Variants in CPVL observed in about 807,000 individuals in gnomAD.
The protein encoded by CPVL is carboxypeptidase vitellogenic like.
CPVL carries 51 observed loss-of-function variants against 63.7 expected under a neutral mutation model. The observed-to-expected ratio is 0.80, with a 90% CI of 0.64 to 1.01. The LOEUF is 1.01. Ranked by LOEUF, CPVL falls within the 50% of genes least tolerant of loss-of-function variation. The pLI, the probability that CPVL is intolerant of heterozygous loss-of-function variation, is 0.00. For missense variants in CPVL, 530 were observed against 573.1 expected (o/e 0.92, Z 0.77); for synonymous variants, 195 against 206.0 (o/e 0.95, Z 0.46).
In CPVL at chr7:29,064,094, C is replaced by T; in HGVS notation, c.1104G>A (p.Lys368=). Residue 368 remains lysine (K), a synonymous_variant, in exon 11 of 13, where the codon AAG becomes AAA. Coordinates refer to ENST00000265394, the MANE Select transcript of CPVL (RefSeq NM_031311.5). ...TATTCATGATTTCAGTTAACCATGG[C>T]TTAACTGACTGTACTGTATCTTCTC... ...YLREDTVQSV[K]PWLTEIMNNY... is the part of the protein sequence containing the mutation. 2 of 1,612,592 alleles carry T rather than the reference C, an allele frequency of 1.2e-6. No individual in the cohort carries two copies. Among genetic ancestry groups the T allele is most frequent in the Non-Finnish European group, 8.5e-7 (1 of 1,178,836 alleles).
At chr7:29,113,059 A>G (rs538130368) in intron 2 of CPVL, 33 of 435,246 alleles carry the variant, frequency 7.6e-5, no homozygotes, top group Admixed American at 7.5e-4. Context: ...GGGTGCCCAA[A>G]TATATTTTAT....
Position 29,136,406 on chromosome 7 carries a change from T to C in CPVL, c.-11+10023A>G, listed in dbSNP as rs184060818. The stretch of plus-strand genomic sequence containing the variant: ...TACATAATAAGGTAAATATTAGATA[T>C]TGATTTGGCAAAAGAGAAAATTATA... On this transcript the variant is annotated intron_variant, in intron 1 of 12. Coordinates refer to ENST00000265394, the MANE Select transcript of CPVL (RefSeq NM_031311.5). 3.5e-3 allele frequency among the ~76,000 whole-genome samples: 533 copies of C among 152,338 alleles called. 6 individuals carry two copies. The highest frequency in any genetic ancestry group is 0.02 in the Admixed American group (312 of 15,306).
intron 1 of CPVL, chr7:29,192,634 A>G (rs1308634324): frequency 6.6e-6 from 1 of 152,250 alleles, no homozygotes; most frequent in African/African-American, 2.4e-5. Context: ...ACTTTGGAAC[A>G]CAAACTTCAT....
chr7:29,069,283 TA>T (rs1783468626), intron 9 of CPVL, among the ~76,000 whole-genome samples: 1 of 150,888 alleles, frequency 6.6e-6, no homozygotes. Flanking sequence ...CTACTAAAAA[TA>T]AGAAAAATTA....
chr7:29,072,412 C>T lies in CPVL; in HGVS notation c.621G>A (p.Gly207=), dbSNP rs1783842108. The T allele has an allele frequency of 1.2e-6, 2 of 1,613,784 alleles. No individual in the cohort carries two copies. The highest frequency in any genetic ancestry group is 8.5e-7 in the Non-Finnish European group (1 of 1,179,920). ...GGTGTGCAATGGCTGGCACATATTT[C>T]CCTGCATAAGACTGAGAAGGACAGA... ...DFYVTGESYA[G]KYVPAIAHLI... Residue 207 remains glycine, a synonymous_variant, in exon 8 of 13, where the codon GGG becomes GGA. Coordinates refer to ENST00000265394, the MANE Select transcript of CPVL (RefSeq NM_031311.5).
intron 4 of CPVL, 74 bp downstream of exon 4, chr7:29,096,024 TTACTC>T (rs1316954601): frequency 4.9e-5 from 53 of 1,092,258 alleles, no homozygotes; most frequent in African/African-American, 6.2e-5. Flanking sequence ...GGTTCAGTGT[TTACTC>T]TAAATTAGTT....
intron 12 of CPVL, among the ~76,000 whole-genome samples, chr7:29,020,029 G>C (rs1363365333): frequency 6.6e-6 from 1 of 152,182 alleles, no homozygotes; most frequent in Non-Finnish European, 1.5e-5. Context: ...GGTTGAGTGT[G>C]ATATTTGCCA....
At position 29,183,081 on chromosome 7, in the gene CPVL, C is replaced by CT. The variant is rs34942216; in HGVS notation, c.-134+1339dup. ...GAAGGCAACTGGAAAACATGGCAGA[C>CT]TTTTTTTTTTTTTTTTTTTTGAAAC... is the stretch of plus-strand genomic sequence containing the variant. On this transcript the variant is annotated intron_variant, in intron 4 of 16. Transcript: ENST00000409850. Among the ~76,000 whole-genome samples the CT allele has an allele frequency of 7.6e-3, 996 of 131,856 alleles. 16 individuals are homozygous for CT. Among genetic ancestry groups the CT allele is most frequent in the African/African-American group, 0.024 (852 of 34,940 alleles). The allele number at this position is 131,856 out of a possible 152,430, so 86.5% of individuals were successfully genotyped here.
chr7:29,179,215 C>T (rs887812331), intron 5 of CPVL, among the ~76,000 whole-genome samples: 7 of 152,218 alleles, frequency 4.6e-5, no homozygotes, highest in South Asian at 2.1e-4. Flanking sequence ...GAGAACCCTT[C>T]AGAAGGCTCC....
intron 12 of CPVL, among the ~76,000 whole-genome samples, chr7:28,996,765 C>T (rs1784116598): frequency 6.6e-6 from 1 of 151,984 alleles, no homozygotes; most frequent in African/African-American, 2.4e-5. Flanking sequence ...TCTATGCATC[C>T]CACACCCATC....
chr7:29,140,284 A>G (rs1791735062), intron 1 of CPVL, among the ~76,000 whole-genome samples: 1 of 152,114 alleles, frequency 6.6e-6, no homozygotes, highest in Non-Finnish European at 1.5e-5. Context: ...ACATCAAACA[A>G]ACAAACAAAC....
At chr7:29,002,115 T>G (rs998678881) in intron 12 of CPVL, among the ~76,000 whole-genome samples, 1 of 152,132 alleles carries the variant, frequency 6.6e-6, no homozygotes, top group Non-Finnish European at 1.5e-5. Context: ...AGACGCCAAG[T>G]CAAAAGCGGC....
chr7:29,007,426 CTG>C (rs907750919), intron 12 of CPVL, among the ~76,000 whole-genome samples: 1 of 151,964 alleles, frequency 6.6e-6, no homozygotes, highest in Non-Finnish European at 1.5e-5. Context: ...AGGAAGCAAG[CTG>C]TGTGGTTTTT....
intron 11 of CPVL, among the ~76,000 whole-genome samples, chr7:29,058,079 G>A (rs1007931897): frequency 6.6e-6 from 1 of 152,030 alleles, no homozygotes; most frequent in East Asian, 1.9e-4. Context: ...GATTTTGATT[G>A]GGATTGTATT....
intron 12 of CPVL, among the ~76,000 whole-genome samples, chr7:29,029,062 A>T (rs1447573819): frequency 6.6e-6 from 1 of 152,128 alleles, no homozygotes; most frequent in African/African-American, 2.4e-5. Flanking sequence ...AAATCTCAGC[A>T]TCACTAATCA....
At chr7:29,171,919 AT>A (rs1291904172) in intron 5 of CPVL, among the ~76,000 whole-genome samples, 1 of 152,126 alleles carries the variant, frequency 6.6e-6, no homozygotes, top group East Asian at 1.9e-4. Context: ...CAATTCCCAT[AT>A]GTTTGACTTT....
At chr7:29,140,792 G>C (rs1033383357) in intron 1 of CPVL, among the ~76,000 whole-genome samples, 2 of 152,146 alleles carry the variant, frequency 1.3e-5, no homozygotes, top group African/African-American at 4.8e-5. Context: ...AGTGACCTTA[G>C]ACAGGCACAA....
chr7:29,159,592 C>G (rs1293486191), intron 5 of CPVL, among the ~76,000 whole-genome samples: 1 of 152,084 alleles, frequency 6.6e-6, no homozygotes, highest in East Asian at 1.9e-4. Context: ...AACCTCTTCC[C>G]ACACAAGTCT....
Position 29,138,823 on chromosome 7 carries a change from C to T in CPVL, c.-11+7606G>A, listed in dbSNP as rs138645474. Among the ~76,000 whole-genome samples the T allele has an allele frequency of 5.0e-3, 765 of 152,280 alleles. 6 individuals carry two copies. Among genetic ancestry groups the T allele is most frequent in the African/African-American group, 0.017 (705 of 41,548 alleles). On this transcript the variant is annotated intron_variant, in intron 1 of 12. Transcript: ENST00000265394. Reference sequence around the variant, plus strand: ...GAGAGTCTAAGTTCCTGAGCTGCCACGGGCACTTGGCAGCAGCTAATCCAG... The same window carrying T: ...GAGAGTCTAAGTTCCTGAGCTGCCATGGGCACTTGGCAGCAGCTAATCCAG...
Sources: gnomAD v4.1 joint callset for allele counts (sites outside exome capture counted in the v4.1 genomes callset) on GRCh38, gnomAD v4.1.1 for gene constraint, MANE v1.5 for transcripts, NCBI Gene and HGNC (gene_info 2026-07-23, HGNC 2026-07-21) for gene names.